CDKAL1: variants seen among roughly 807,000 people sequenced by gnomAD.
CDKAL1 encodes the protein CDKAL1 threonylcarbamoyladenosine tRNA methylthiotransferase.
Under a neutral mutation model 68.2 loss-of-function variants are expected in CDKAL1, and 32 were observed. That is an observed-to-expected ratio of 0.47 (90% CI 0.35 to 0.63). The LOEUF (loss-of-function observed/expected upper bound fraction) is 0.63, where lower values mean the gene tolerates loss of function less well. CDKAL1 is among the 30% of genes least tolerant of loss of function. The probability of loss-of-function intolerance (pLI) is 0.00; values close to 1 mark genes in which losing one functional copy is unlikely to be tolerated. For missense variants in CDKAL1, 606 were observed against 696.7 expected (o/e 0.87, Z 1.47); for synonymous variants, 234 against 244.3 (o/e 0.96, Z 0.39).
chr6:20,877,626 T>G (rs185585329), intron 9 of CDKAL1, among the ~76,000 whole-genome samples: 58 of 152,328 alleles, frequency 3.8e-4, no homozygotes, highest in Non-Finnish European at 1.2e-4. Flanking sequence ...CTCAGAAAAC[T>G]TGTTTGTGAC....
rs1261145109 is a variant in CDKAL1, at chr6:20,976,710, A to C, written c.909+21125A>C. ...CTATTCTGAATTGGAAAATTTGATC[A>C]CTGTTAATTTTGCTTGTTCTCGAAT... On this transcript the variant is annotated intron_variant, in intron 10 of 15. Transcript: ENST00000274695. 3.9e-5 allele frequency among the ~76,000 whole-genome samples: 6 copies of C among 152,238 alleles called. No individual in the cohort carries two copies. In the East Asian group the frequency reaches 1.2e-3, roughly 29 times the overall value.
intron 10 of CDKAL1, among the ~76,000 whole-genome samples, chr6:20,980,657 G>A (rs1398737203): frequency 6.8e-6 from 1 of 147,626 alleles, no homozygotes; most frequent in Non-Finnish European, 1.5e-5. Flanking sequence ...TGGATGTTGG[G>A]GGTGAATAGG....
At chr6:21,207,224 T>TC (rs982932267) in intron 15 of CDKAL1, among the ~76,000 whole-genome samples, 1 of 151,702 alleles carries the variant, frequency 6.6e-6, no homozygotes, top group African/African-American at 2.4e-5. Context: ...ACTTTAAATT[T>TC]TTTTTTTTTT....
chr6:21,198,720 A>G (rs1297479005), intron 14 of CDKAL1, among the ~76,000 whole-genome samples: 1 of 152,204 alleles, frequency 6.6e-6, no homozygotes, highest in Non-Finnish European at 1.5e-5. Context: ...AGAGCTTTGA[A>G]GGCCATCCCT....
At chr6:21,112,100 A>G (rs1774146515) in intron 13 of CDKAL1, among the ~76,000 whole-genome samples, 1 of 152,096 alleles carries the variant, frequency 6.6e-6, no homozygotes, top group African/African-American at 2.4e-5. Context: ...AATCACGGGT[A>G]AGTTAGAGTA....
intron 9 of CDKAL1, among the ~76,000 whole-genome samples, chr6:20,915,152 A>T (rs948618932): frequency 1.3e-5 from 2 of 150,846 alleles, no homozygotes; most frequent in African/African-American, 4.9e-5. Context: ...AAAATCACAG[A>T]TTATTTATAT....
intron 4 of CDKAL1, chr6:20,558,733 A>G: frequency 2.6e-6 from 1 of 379,146 alleles, no homozygotes; most frequent in South Asian, 2.0e-5. Flanking sequence ...GTTGTAGAAG[A>G]TAAGCAGCAA....
In CDKAL1 at chr6:20,841,119, G is replaced by C. The variant is rs570570559; in HGVS notation, c.639-4956G>C. Among the ~76,000 whole-genome samples the C allele has an allele frequency of 1.1e-4, 17 of 152,274 alleles. No individual in the cohort carries two copies. The East Asian group carries it at 3.3e-3, about 29-fold the overall frequency. ...CAAAGTGCTAGGATCACAGGCGTGA[G>C]CCACCATGCCTGGCCATTTTGTAAC... On this transcript the variant is annotated intron_variant, in intron 8 of 15. Coordinates refer to ENST00000274695, the MANE Select transcript of CDKAL1 (RefSeq NM_017774.3).
chr6:20,913,158 C>CACACACACACACACACAT (rs1229681370), intron 9 of CDKAL1, among the ~76,000 whole-genome samples: 37 of 145,798 alleles, frequency 2.5e-4, no homozygotes, highest in African/African-American at 7.9e-4. Context: ...CACACACACA[C>CACACACACACACACACAT]ATTACCACAA....
intron 4 of CDKAL1, among the ~76,000 whole-genome samples, chr6:20,553,248 G>A (rs1292966677): frequency 2.6e-5 from 4 of 151,896 alleles, no homozygotes; most frequent in Non-Finnish European, 4.4e-5. Context: ...GGTGGCTCAC[G>A]CCCGTAATCC....
At chr6:21,153,137 A>T (rs576986759) in intron 13 of CDKAL1, among the ~76,000 whole-genome samples, 140 of 150,842 alleles carry the variant, frequency 9.3e-4, no homozygotes, top group African/African-American at 3.3e-3. Context: ...CCCCAATTAT[A>T]TTCTTAACCT....
At chr6:20,938,575 AT>A (rs1006710283) in intron 9 of CDKAL1, among the ~76,000 whole-genome samples, 3 of 151,968 alleles carry the variant, frequency 2.0e-5, no homozygotes, top group African/African-American at 7.2e-5. Context: ...ATGAAATAAT[AT>A]TTTTTTCTCG....
intron 9 of CDKAL1, among the ~76,000 whole-genome samples, chr6:20,904,479 T>C (rs1264019357): frequency 6.6e-6 from 1 of 151,870 alleles, no homozygotes; most frequent in African/African-American, 2.4e-5. Flanking sequence ...TGGACACGTA[T>C]GAGGAAAGTT....
At chr6:21,156,900 T>A (rs2151057643) in intron 13 of CDKAL1, among the ~76,000 whole-genome samples, 1 of 152,332 alleles carries the variant, frequency 6.6e-6, no homozygotes, top group South Asian at 2.1e-4. Context: ...CTTGTATGCC[T>A]GGTAAACTTT....
At chr6:20,784,966 T>A (rs1327061811) in intron 8 of CDKAL1, among the ~76,000 whole-genome samples, 4 of 152,166 alleles carry the variant, frequency 2.6e-5, no homozygotes, top group Admixed American at 6.5e-5. Context: ...TAAAATTTTT[T>A]ATGTATATTA....
chr6:20,546,552 A>G (rs1266309164), intron 3 of CDKAL1, 29 bp downstream of exon 3: 3 of 1,593,702 alleles, frequency 1.9e-6, no homozygotes, highest in Middle Eastern at 1.7e-4. Flanking sequence ...AATTATATTC[A>G]TTTTCTTTTT....
intron 4 of CDKAL1, among the ~76,000 whole-genome samples, chr6:20,583,587 T>C (rs1765223279): frequency 6.6e-6 from 1 of 152,244 alleles, no homozygotes; most frequent in Non-Finnish European, 1.5e-5. Flanking sequence ...GTAGAACGTT[T>C]CCAGGATCAA....
At chr6:21,213,618 G>A (rs1250044465) in intron 15 of CDKAL1, among the ~76,000 whole-genome samples, 1 of 152,156 alleles carries the variant, frequency 6.6e-6, no homozygotes, top group Non-Finnish European at 1.5e-5. Flanking sequence ...CAATCACAAA[G>A]CATCTATGGT....
At chr6:20,587,252 G>A (rs1341804153) in intron 4 of CDKAL1, among the ~76,000 whole-genome samples, 1 of 152,006 alleles carries the variant, frequency 6.6e-6, no homozygotes, top group Non-Finnish European at 1.5e-5. Context: ...CTCCCAAAGT[G>A]CTGGGATTAC....
Sources: allele counts gnomAD v4.1 joint callset (sites outside exome capture counted in the v4.1 genomes callset), GRCh38; gene constraint gnomAD v4.1.1; transcripts MANE v1.5; gene names NCBI Gene and HGNC (gene_info 2026-07-23, HGNC 2026-07-21).